ZFP69B: variants seen among roughly 807,000 people sequenced by gnomAD.
ZFP69B encodes the protein zinc finger protein 69 homolog B.
A neutral mutation model predicts 19.7 loss-of-function variants in ZFP69B; 20 were observed. The observed-to-expected ratio is 1.02, with a 90% confidence interval of 0.71 to 1.48. ZFP69B has a LOEUF of 1.48. ZFP69B is among the 40% of genes most tolerant of loss of function. The pLI, the probability that ZFP69B is intolerant of heterozygous loss-of-function variation, is 0.00. For synonymous variants in ZFP69B, 220 were observed against 222.7 expected (o/e 0.99, Z 0.11); for missense variants, 583 against 632.6 (o/e 0.92, Z 0.84).
Position 40,450,823 on chromosome 1 carries a change from A to G in ZFP69B, c.-139A>G. ...CCTGGGTTCCTGAGAGAGGACATTG[A>G]GGAGTAGGAGTCGGCGATTAAGGAG... is the stretch of plus-strand genomic sequence containing the variant. On this transcript the variant is annotated 5_prime_UTR_variant, in exon 1 of 5. The change abolishes the stop of an existing upstream ORF in the 5' untranslated region. Transcript: ENST00000361584. 1.1e-6 allele frequency: 1 copy of G among 937,158 alleles called. No homozygotes were observed. Among genetic ancestry groups the G allele is most frequent in the East Asian group, 3.4e-5 (1 of 29,776 alleles). The allele number at this position is 937,158 out of a possible 1,614,324, so 58.1% of individuals were successfully genotyped here.
upstream of ZFP69B, chr1:40,450,092 G>A (rs893174460): frequency 1.2e-4 from 18 of 152,278 alleles, no homozygotes; most frequent in African/African-American, 2.2e-4. Flanking sequence ...CCGCCGCAGC[G>A]CTACGTGGGA....
intron 2 of ZFP69B, among the ~76,000 whole-genome samples, chr1:40,455,001 A>G (rs373466091): frequency 1.3e-5 from 2 of 152,332 alleles, no homozygotes; most frequent in South Asian, 2.1e-4. Flanking sequence ...AGTTTCTGAT[A>G]TTCTTGGAGA....
chr1:40,454,285 C>T lies in ZFP69B; in HGVS notation c.210C>T (p.Ser70=), dbSNP rs1645212990. The T allele has an allele frequency of 1.9e-6, 3 of 1,574,486 alleles. No individual in the cohort carries two copies. Among genetic ancestry groups the T allele is most frequent in the Middle Eastern group, 3.3e-4 (2 of 5,988 alleles). The change falls in exon 2 of 5, where the codon TCC becomes TCT. Residue 70 remains serine (S), a synonymous_variant. Coordinates refer to ENST00000361584, the MANE Select transcript of ZFP69B (RefSeq NM_023070.3). ...CCCTTGGATCCCTGACAGCAGAATCCCAGGTGGGTTGGAGTTTCTGGTCAC... is the reference window on the plus strand; with the variant it reads ...CCCTTGGATCCCTGACAGCAGAATCTCAGGTGGGTTGGAGTTTCTGGTCAC... ...RVTLGSLTAE[S]QELLTFKDVS...
At chr1:40,454,373 C>T (rs769097744) in intron 2 of ZFP69B, 85 bp downstream of exon 2, 8 of 957,362 alleles carry the variant, frequency 8.4e-6, no homozygotes, top group Non-Finnish European at 1.2e-5. Flanking sequence ...GACTCAACTT[C>T]CTGGATTGGC....
chr1:40,456,626 C>T (rs537805713), intron 2 of ZFP69B, among the ~76,000 whole-genome samples: 1 of 152,242 alleles, frequency 6.6e-6, no homozygotes, highest in East Asian at 1.9e-4. Context: ...TGGCCTTAGC[C>T]CCTTCTGAAC....
intron 4 of ZFP69B, 108 bp from the exon 5 acceptor site, chr1:40,462,313 C>G: frequency 9.8e-7 from 1 of 1,017,232 alleles, no homozygotes. Flanking sequence ...GAGGATGATC[C>G]AGAACTCCTG....
At chr1:40,453,727 T>G (rs1645206855) in intron 1 of ZFP69B, among the ~76,000 whole-genome samples, 1 of 152,020 alleles carries the variant, frequency 6.6e-6, no homozygotes, top group African/African-American at 2.4e-5. Context: ...TGTTGATTAG[T>G]TGGGCGTGGT....
rs761972282 is a variant in ZFP69B, at chr1:40,462,952, T to C, written c.968T>C (p.Ile323Thr). The change falls in exon 5 of 5, where the codon ATT becomes ACT. Residue 323 changes from isoleucine to threonine, a missense_variant. Physicochemically the swap from Ile to Thr is moderately conservative, Grantham distance 89. Coordinates refer to ENST00000361584, the MANE Select transcript of ZFP69B (RefSeq NM_023070.3). ...GKAFSQSSSL[I>T]PHQRIHTGEK... The stretch of plus-strand genomic sequence containing the variant: ...GCCTTTAGCCAAAGTTCATCTCTTA[T>C]TCCGCATCAGAGAATTCATACTGGT... 8.1e-6 allele frequency: 13 copies of C among 1,613,988 alleles called. No individual in the cohort carries two copies. The highest frequency in any genetic ancestry group is 5.3e-5 in the African/African-American group (4 of 74,896).
chr1:40,450,410 AG>A (rs532101834), upstream of ZFP69B, among the ~76,000 whole-genome samples: 321 of 152,334 alleles, frequency 2.1e-3, no homozygotes, highest in African/African-American at 7.4e-3. Context: ...GACTAGTGAA[AG>A]AGCTGGGATT....
chr1:40,463,485 A>G lies in ZFP69B; in HGVS notation c.1501A>G (p.Lys501Glu), dbSNP rs1410129089. ...AKHQRIHTGEKPYDCNECGKA... is the reference protein window; with the variant it reads ...AKHQRIHTGEEPYDCNECGKA... ...ACATCAGAGAATTCATACTGGAGAA[A>G]AACCTTATGATTGTAATGAGTGTGG... Residue 501 changes from lysine (K) to glutamate (E), a missense_variant, in exon 5 of 5, where the codon AAA (lysine) becomes GAA (glutamate). Lys to Glu is a moderately conservative substitution (Grantham distance 56). Coordinates refer to ENST00000361584, the MANE Select transcript of ZFP69B (RefSeq NM_023070.3). The G allele has an allele frequency of 6.2e-7, 1 of 1,614,058 alleles. No individual in the cohort carries two copies. Among genetic ancestry groups the G allele is most frequent in the Non-Finnish European group, 8.5e-7 (1 of 1,180,030 alleles).
At chr1:40,461,034 T>C (rs1484481209) in intron 4 of ZFP69B, among the ~76,000 whole-genome samples, 1 of 147,206 alleles carries the variant, frequency 6.8e-6, no homozygotes, top group Non-Finnish European at 1.5e-5. Flanking sequence ...TAATCCTCGC[T>C]ACTCAGGAGG....
rs765889881 is a variant in ZFP69B, at chr1:40,457,399, A to G, written c.396A>G (p.Pro132=). 2 of 1,614,190 alleles carry G rather than the reference A, an allele frequency of 1.2e-6. No individual in the cohort carries two copies. Among genetic ancestry groups the G allele is most frequent in the African/African-American group, 2.7e-5 (2 of 75,050 alleles). Residue 132 remains proline, a synonymous_variant, in exon 4 of 5, where the codon CCA becomes CCG. Transcript: ENST00000361584. ...VISQLEKGEE[P]WLMERDISGV... ...CCCAGTTGGAGAAAGGAGAAGAACC[A>G]TGGCTGATGGAGAGAGATATTTCAG...
rs1645178883 is a variant in ZFP69B, at chr1:40,450,835, C to CT, written c.-127_-126insT. The CT allele has an allele frequency of 1.5e-5, 16 of 1,092,984 alleles. No homozygotes were observed. The highest frequency in any genetic ancestry group is 1.7e-5 in the Non-Finnish European group (14 of 832,524). The allele number at this position is 1,092,984 out of a possible 1,614,324, so 67.7% of individuals were successfully genotyped here. ...AGAGAGGACATTGAGGAGTAGGAGT[C>CT]GGCGATTAAGGAGATCGGTACAATT... On this transcript the variant is annotated 5_prime_UTR_variant, in exon 1 of 5. Transcript: ENST00000361584.
At chr1:40,461,800 A>C (rs921574841) in intron 4 of ZFP69B, among the ~76,000 whole-genome samples, 1 of 152,156 alleles carries the variant, frequency 6.6e-6, no homozygotes, top group Non-Finnish European at 1.5e-5. Flanking sequence ...CTGTCAAAAA[A>C]AAATTCTATC....
intron 2 of ZFP69B, 58 bp from the exon 3 acceptor site, chr1:40,456,887 C>G: frequency 6.4e-7 from 1 of 1,566,580 alleles, no homozygotes; most frequent in Non-Finnish European, 8.7e-7. Flanking sequence ...AGCATCTAGA[C>G]AAAAGTCAGA....
chr1:40,459,099 T>C (rs1276119933), intron 4 of ZFP69B, among the ~76,000 whole-genome samples: 1 of 152,188 alleles, frequency 6.6e-6, no homozygotes, highest in Admixed American at 6.6e-5. Flanking sequence ...TTGGGAAATA[T>C]CATCTATTCG....
intron 4 of ZFP69B, among the ~76,000 whole-genome samples, chr1:40,460,818 T>C (rs1314803156): frequency 1.3e-5 from 2 of 151,842 alleles, no homozygotes; most frequent in Non-Finnish European, 2.9e-5. Context: ...CCATCTTTAC[T>C]AAAAATACAA....
In ZFP69B at chr1:40,463,384, G is replaced by A. The variant is rs1214062191; in HGVS notation, c.1400G>A (p.Arg467Lys). The change falls in exon 5 of 5, where the codon AGA becomes AAA. Residue 467 changes from arginine to lysine, a missense_variant. Arg to Lys is a conservative substitution (Grantham distance 26). Transcript: ENST00000361584. ...AGAATACATCTTTCTATCCATCAGA[G>A]AGTCCATACTGGAGTAAAACCTTAT... ...SQRIHLSIHQ[R>K]VHTGVKPYEC... The A allele has an allele frequency of 6.2e-7, 1 of 1,614,060 alleles. No individual in the cohort carries two copies. Among genetic ancestry groups the A allele is most frequent in the South Asian group, 1.1e-5 (1 of 91,086 alleles).
At position 40,459,974 on chromosome 1, in the gene ZFP69B, A is replaced by G. The variant is rs369517467; in HGVS notation, c.437-2447A>G. On this transcript the variant is annotated intron_variant, in intron 4 of 4. Coordinates refer to ENST00000361584, the MANE Select transcript of ZFP69B (RefSeq NM_023070.3). ...CCCCTTCATCCAAAAATGTTATGCCAGGTATACAATGCATAAAATATATAT... is the reference window on the plus strand; with the variant it reads ...CCCCTTCATCCAAAAATGTTATGCCGGGTATACAATGCATAAAATATATAT... 2.0e-5 allele frequency among the ~76,000 whole-genome samples: 3 copies of G among 152,222 alleles called. No individual in the cohort carries two copies. The South Asian group carries it at 6.2e-4, about 31-fold the overall frequency.
Sources: gnomAD v4.1 joint callset for allele counts (sites outside exome capture counted in the v4.1 genomes callset) on GRCh38, gnomAD v4.1.1 for gene constraint, MANE v1.5 for transcripts, NCBI Gene and HGNC (gene_info 2026-07-23, HGNC 2026-07-21) for gene names.